ST3GAL2: variants seen among roughly 807,000 people sequenced by gnomAD.
The protein encoded by ST3GAL2 is ST3 beta-galactoside alpha-2,3-sialyltransferase 2.
ST3GAL2 carries 16 observed loss-of-function variants against 37.5 expected under a neutral mutation model. That is an observed-to-expected ratio of 0.43 (90% CI 0.29 to 0.65). The LOEUF (loss-of-function observed/expected upper bound fraction) is 0.65. Ranked by LOEUF, ST3GAL2 falls within the 30% of genes least tolerant of loss-of-function variation. The pLI is 0.17. For synonymous variants in ST3GAL2, 238 were observed against 202.9 expected, an observed-to-expected ratio of 1.17 and a Z score of -1.47; for missense variants, 383 against 487.8, an observed-to-expected ratio of 0.79 and a Z score of 2.02.
chr16:70,406,739 C>A (rs2047594962), intron 1 of ST3GAL2, among the ~76,000 whole-genome samples: 1 of 151,824 alleles, frequency 6.6e-6, no homozygotes. Context: ...CAAGATCGTG[C>A]CACCGCACTC....
At chr16:70,420,011 A>AC (rs72523670) in intron 1 of ST3GAL2, among the ~76,000 whole-genome samples, 54,348 of 119,102 alleles carry the variant, frequency 0.46, 12,876 homozygotes, top group Non-Finnish European at 0.55. Context: ...TGACCATTTG[A>AC]CCCCCCCCTT....
intron 2 of ST3GAL2, among the ~76,000 whole-genome samples, chr16:70,396,234 T>G (rs2047515112): frequency 6.8e-6 from 1 of 146,246 alleles, no homozygotes; most frequent in African/African-American, 2.5e-5. Context: ...CCTCCCAAGG[T>G]GGTGGGATTA....
intron 1 of ST3GAL2, among the ~76,000 whole-genome samples, chr16:70,414,055 A>G (rs1044235232): frequency 1.3e-5 from 2 of 152,164 alleles, no homozygotes; most frequent in African/African-American, 2.4e-5. Context: ...GTACATGAAT[A>G]TATTTTTAGA....
At chr16:70,418,695 T>C (rs1054044939) in intron 1 of ST3GAL2, among the ~76,000 whole-genome samples, 6 of 152,100 alleles carry the variant, frequency 3.9e-5, no homozygotes, top group African/African-American at 7.2e-5. Context: ...CTTCCCCAGA[T>C]ACATAGATAC....
chr16:70,385,098 G>A (rs887334075), intron 4 of ST3GAL2, among the ~76,000 whole-genome samples: 2 of 152,000 alleles, frequency 1.3e-5, no homozygotes, highest in Admixed American at 1.3e-4. Flanking sequence ...AAGGTCAGGA[G>A]ATCGAGACCA....
intron 1 of ST3GAL2, among the ~76,000 whole-genome samples, chr16:70,411,627 TATA>T (rs1192248102): frequency 1.3e-5 from 2 of 152,156 alleles, no homozygotes; most frequent in Non-Finnish European, 2.9e-5. Context: ...CACTTCTTGT[TATA>T]AACTAATCCA....
In ST3GAL2 at chr16:70,420,372, G is replaced by A. The variant is rs1019775842; in HGVS notation, c.-1004+18577C>T. Among the ~76,000 whole-genome samples, 4 of 152,304 alleles carry A rather than the reference G, an allele frequency of 2.6e-5. No individual in the cohort carries two copies. In the South Asian group the frequency reaches 8.3e-4, roughly 32 times the overall value. ...AGTCACATAGGTGCCAATCACCTGG[G>A]AGACCTAGGGAAACAGGCATCCCTC... On this transcript the variant is annotated intron_variant, in intron 1 of 6. Coordinates refer to ENST00000342907, the MANE Select transcript of ST3GAL2 (RefSeq NM_006927.4).
At chr16:70,405,566 A>G (rs985563909) in intron 1 of ST3GAL2, among the ~76,000 whole-genome samples, 1 of 145,950 alleles carries the variant, frequency 6.9e-6, no homozygotes, top group East Asian at 2.0e-4. Context: ...AAAAAAAAAA[A>G]GGAAAAAAAG....
At chr16:70,382,767 C>G in intron 6 of ST3GAL2, 38 bp downstream of exon 6, 1 of 1,613,190 alleles carries the variant, frequency 6.2e-7, no homozygotes, top group Admixed American at 1.7e-5. Context: ...CTCCTCTGTT[C>G]CATGGGTTCC....
At chr16:70,418,649 A>G (rs775905116) in intron 1 of ST3GAL2, among the ~76,000 whole-genome samples, 5 of 152,144 alleles carry the variant, frequency 3.3e-5, no homozygotes. Flanking sequence ...TGACCTTCAC[A>G]GAACACGGGT....
intron 3 of ST3GAL2, among the ~76,000 whole-genome samples, chr16:70,393,466 A>G (rs2047495279): frequency 6.6e-6 from 1 of 152,220 alleles, no homozygotes; most frequent in African/African-American, 2.4e-5. Context: ...GCTTCCACCC[A>G]GGAGCTTCCT....
At chr16:70,420,843 C>A (rs1316378289) in intron 1 of ST3GAL2, among the ~76,000 whole-genome samples, 2 of 152,198 alleles carry the variant, frequency 1.3e-5, no homozygotes, top group Non-Finnish European at 2.9e-5. Context: ...CCATGTCCTC[C>A]CACCCAGCCC....
chr16:70,420,482 G>A (rs186027134), intron 1 of ST3GAL2, among the ~76,000 whole-genome samples: 3 of 152,272 alleles, frequency 2.0e-5, no homozygotes, highest in Admixed American at 6.5e-5. Context: ...AGTCTGGAGA[G>A]GATTCCTGGT....
intron 1 of ST3GAL2, among the ~76,000 whole-genome samples, chr16:70,426,686 T>A (rs2047754225): frequency 6.6e-6 from 1 of 151,564 alleles, no homozygotes; most frequent in Non-Finnish European, 1.5e-5. Context: ...AATTTTGTAT[T>A]TTTAGTAGAG....
chr16:70,396,919 C>T (rs1382722637), intron 2 of ST3GAL2, among the ~76,000 whole-genome samples: 2 of 151,170 alleles, frequency 1.3e-5, no homozygotes, highest in African/African-American at 4.9e-5. Context: ...CCCAGCCCCA[C>T]CCCTTCACCT....
chr16:70,385,719 T>G (rs1263288644), intron 4 of ST3GAL2, among the ~76,000 whole-genome samples: 1 of 148,458 alleles, frequency 6.7e-6, no homozygotes, highest in Non-Finnish European at 1.5e-5. Flanking sequence ...TTTTTTTTTT[T>G]TTGAGGCAGA....
intron 3 of ST3GAL2, among the ~76,000 whole-genome samples, chr16:70,389,075 C>CAAAA (rs77375368): frequency 7.5e-5 from 4 of 53,302 alleles, no homozygotes; most frequent in African/African-American, 2.7e-4. Flanking sequence ...CTCTTGTCTC[C>CAAAA]AAAAAAAAAA....
At chr16:70,421,421 C>T (rs758534835) in intron 1 of ST3GAL2, among the ~76,000 whole-genome samples, 1 of 152,202 alleles carries the variant, frequency 6.6e-6, no homozygotes, top group Non-Finnish European at 1.5e-5. Context: ...CAAGGACTGA[C>T]CTGCCCTCCT....
In ST3GAL2 at chr16:70,388,649, T is replaced by C. The variant is rs961147489; in HGVS notation, c.534-103A>G. The stretch of plus-strand genomic sequence containing the variant: ...CATCCATCAAAAATGCAAACGGGTG[T>C]ATACTCCAACCTAGCAATTCCATTG... On this transcript the variant is annotated intron_variant, in intron 3 of 6. Transcript: ENST00000342907. The C allele has an allele frequency of 8.4e-6, 11 of 1,309,082 alleles. No individual in the cohort carries two copies. The African/African-American group carries it at 1.6e-4, about 20-fold the overall frequency. The allele number at this position is 1,309,082 out of a possible 1,614,324, so 81.1% of individuals were successfully genotyped here.
Sources: allele counts gnomAD v4.1 joint callset (sites outside exome capture counted in the v4.1 genomes callset), GRCh38; gene constraint gnomAD v4.1.1; transcripts MANE v1.5; gene names NCBI Gene and HGNC (gene_info 2026-07-23, HGNC 2026-07-21).